The following AGAP1 variants were observed in gnomAD, a reference collection of about 807,000 sequenced individuals.
The protein encoded by AGAP1 is ArfGAP with GTPase domain, ankyrin repeat and PH domain 1, also known as arf-GAP with GTPase, ANK repeat and PH domain-containing protein 1.
In AGAP1, 29 loss-of-function variants were observed where a neutral mutation model predicts 105.3. The observed-to-expected ratio is 0.28, with a 90% CI of 0.21 to 0.38. AGAP1 has a LOEUF of 0.38. Among genes scored for constraint, AGAP1 ranks in the 10% least tolerant of loss-of-function variants. AGAP1 has a pLI of 1.00. For missense variants in AGAP1, 998 were observed against 1,165.1 expected (o/e 0.86, Z 2.09); for synonymous variants, 509 against 485.9 (o/e 1.05, Z -0.63).
At chr2:235,783,253 A>T (rs1299685222) in intron 6 of AGAP1, 1 of 419,304 alleles carries the variant, frequency 2.4e-6, no homozygotes, top group Non-Finnish European at 4.8e-6. Context: ...TAAAAAAAAG[A>T]GTTGAATTTA....
rs1040641863 is a variant in AGAP1, at chr2:236,053,403, T to C, written c.2114+4122T>C. Among the ~76,000 whole-genome samples, 1 of 152,180 alleles carries C rather than the reference T, an allele frequency of 6.6e-6. No homozygotes were observed. The highest frequency in any genetic ancestry group is 6.5e-5 in the Admixed American group (1 of 15,282). On this transcript the variant is annotated intron_variant, in intron 16 of 17. Coordinates refer to ENST00000304032, the MANE Select transcript of AGAP1 (RefSeq NM_001037131.3). The surrounding 1 kb of genome is among the most constrained non-coding windows in gnomAD (Gnocchi z 4.6). ...GACGTTTGCAGCACCAGCAAAGCCG[T>C]CTCAGTAAACCCGTCCACGCACATC...
intron 1 of AGAP1, among the ~76,000 whole-genome samples, chr2:235,571,069 T>C (rs1944496419): frequency 6.6e-6 from 1 of 152,058 alleles, no homozygotes; most frequent in Admixed American, 6.6e-5. Flanking sequence ...ATGGTTGGAG[T>C]AGGAGTAAGA....
At chr2:235,634,741 A>G (rs1185297730) in intron 1 of AGAP1, among the ~76,000 whole-genome samples, 1 of 152,194 alleles carries the variant, frequency 6.6e-6, no homozygotes, top group East Asian at 1.9e-4. Flanking sequence ...TTTAGTTTGA[A>G]ACTGAGAACA....
chr2:235,631,827 G>A lies in AGAP1; in HGVS notation c.164-77352G>A, dbSNP rs887146085. Among the ~76,000 whole-genome samples, 37 of 152,232 alleles carry A rather than the reference G, an allele frequency of 2.4e-4. No homozygotes were observed. The highest frequency in any genetic ancestry group is 8.9e-4 in the African/African-American group (37 of 41,464). On this transcript the variant is annotated intron_variant, in intron 1 of 17. Transcript: ENST00000304032. The surrounding 1 kb of genome is among the most constrained non-coding windows in gnomAD (Gnocchi z 5.4). The stretch of plus-strand genomic sequence containing the variant: ...CCTCGGCTGGGTGGCCCTTCCTGCT[G>A]TCAGGTGTGGCCACTCTCGTGAGAT...
intron 16 of AGAP1, among the ~76,000 whole-genome samples, chr2:236,057,560 T>G (rs10203232): frequency 3.3e-5 from 5 of 151,094 alleles, no homozygotes; most frequent in South Asian, 2.1e-4. Context: ...AGCCCCCCCC[T>G]CAACCCCCGT....
intron 1 of AGAP1, among the ~76,000 whole-genome samples, chr2:235,703,041 C>A (rs1188042281): frequency 2.0e-5 from 3 of 149,636 alleles, no homozygotes; most frequent in African/African-American, 7.4e-5. Context: ...AATTCTCCTG[C>A]CCCAGCCTCC....
rs1248938575 is a variant in AGAP1 at position 235,599,883 on chromosome 2, C to T, written c.163+105034C>T. ...CAATGCTGGTACCCACGACGTGGAG[C>T]CCTGAAGGATGAGGAAAATAATTTC... On this transcript the variant is annotated intron_variant, in intron 1 of 17. Transcript: ENST00000304032. The surrounding 1 kb of genome is among the most constrained non-coding windows in gnomAD (Gnocchi z 5.3). 6.6e-6 allele frequency among the ~76,000 whole-genome samples: 1 copy of T among 152,150 alleles called. No homozygotes were observed. Among genetic ancestry groups the T allele is most frequent in the Non-Finnish European group, 1.5e-5 (1 of 68,030 alleles).
At position 236,129,406 on chromosome 2, in the gene AGAP1, C is replaced by T. The variant is rs1027903037; in HGVS notation, c.*5284C>T. The stretch of plus-strand genomic sequence containing the variant: ...CCCATTATGCAGGAGAGAGAAGGGG[C>T]GCAGGTGTATCTCCTTAGAGTACAC... On this transcript the variant is annotated 3_prime_UTR_variant, in exon 18 of 18. Coordinates refer to ENST00000304032, the MANE Select transcript of AGAP1 (RefSeq NM_001037131.3). The surrounding 1 kb of genome is among the most constrained non-coding windows in gnomAD (Gnocchi z 6.2). 2.0e-5 allele frequency: 3 copies of T among 152,204 alleles called. No homozygotes were observed. The highest frequency in any genetic ancestry group is 7.2e-5 in the African/African-American group (3 of 41,440). 9.4% of individuals were successfully genotyped at this position (152,204 alleles called of 1,614,324 possible).
In AGAP1 at chr2:235,719,435, C is replaced by T. The variant is rs959546222; in HGVS notation, c.310+1791C>T. Among the ~76,000 whole-genome samples, 1 of 152,168 alleles carries T rather than the reference C, an allele frequency of 6.6e-6. No individual in the cohort carries two copies. The highest frequency in any genetic ancestry group is 1.5e-5 in the Non-Finnish European group (1 of 68,036). ...TGCATAATTGACCCTTACATGTTGA[C>T]TCACACCAAAGCATTTCTCTTGAAC... On this transcript the variant is annotated intron_variant, in intron 3 of 17. Coordinates refer to ENST00000304032, the MANE Select transcript of AGAP1 (RefSeq NM_001037131.3). This position sits in a 1 kb window ranked among gnomAD's most constrained non-coding sequence, Gnocchi z 4.9.
intron 1 of AGAP1, among the ~76,000 whole-genome samples, chr2:235,530,673 C>T (rs1943013206): frequency 6.6e-6 from 1 of 152,168 alleles, no homozygotes; most frequent in Admixed American, 6.5e-5. Flanking sequence ...TCCGGCTCCT[C>T]TGCTTTCTTT....
Position 236,038,374 on chromosome 2 carries a change from G to A in AGAP1, c.1800+1659G>A, listed in dbSNP as rs1414007049. On this transcript the variant is annotated intron_variant, in intron 14 of 17. Coordinates refer to ENST00000304032, the MANE Select transcript of AGAP1 (RefSeq NM_001037131.3). This position sits in a 1 kb window ranked among gnomAD's most constrained non-coding sequence, Gnocchi z 4.5. ...CTTTCACGGCAGACTCTGAGCCCCT[G>A]CCACCTCGACCTAATTCAGGAAGAT... is the stretch of plus-strand genomic sequence containing the variant. Among the ~76,000 whole-genome samples, 1 of 152,190 alleles carries A rather than the reference G, an allele frequency of 6.6e-6. No homozygotes were observed. Among genetic ancestry groups the A allele is most frequent in the African/African-American group, 2.4e-5 (1 of 41,450 alleles).
chr2:236,007,188 T>C (rs1274608925), intron 13 of AGAP1, among the ~76,000 whole-genome samples: 3 of 152,250 alleles, frequency 2.0e-5, no homozygotes, highest in Non-Finnish European at 4.4e-5. Context: ...ATAAATGCCA[T>C]GTATCTTATG....
chr2:236,079,560 ACACAC>A (rs2058729041), intron 16 of AGAP1, among the ~76,000 whole-genome samples: 6 of 151,388 alleles, frequency 4.0e-5, no homozygotes, highest in African/African-American at 1.5e-4. Flanking sequence ...ATATACACAC[ACACAC>A]ACACATACAT....
In AGAP1 at chr2:235,901,572, G is replaced by A. The variant is rs2051067513; in HGVS notation, c.1156-7166G>A. Among the ~76,000 whole-genome samples, 1 of 152,140 alleles carries A rather than the reference G, an allele frequency of 6.6e-6. No individual in the cohort carries two copies. Among genetic ancestry groups the A allele is most frequent in the Non-Finnish European group, 1.5e-5 (1 of 68,028 alleles). ...GTGGTTCTCAAGACTTTGGGCTCAG[G>A]ACCCCTTTATCTTTTTAAAAATTAT... On this transcript the variant is annotated intron_variant, in intron 10 of 17. Coordinates refer to ENST00000304032, the MANE Select transcript of AGAP1 (RefSeq NM_001037131.3). The surrounding 1 kb of genome is among the most constrained non-coding windows in gnomAD (Gnocchi z 4.3).
intron 9 of AGAP1, among the ~76,000 whole-genome samples, chr2:235,817,719 C>T (rs1958537882): frequency 6.6e-6 from 1 of 152,040 alleles, no homozygotes; most frequent in South Asian, 2.1e-4. Flanking sequence ...GGCGAAACCC[C>T]ATCTCTACCA....
rs1016320754 is a variant in AGAP1, at chr2:236,046,686, G to A, written c.1892-2373G>A. The stretch of plus-strand genomic sequence containing the variant: ...GTGCCTGAGTGGTGATTGAAGTGTG[G>A]GTTGGGTTGGCCTGAATAAGACTAC... On this transcript the variant is annotated intron_variant, in intron 15 of 17. Transcript: ENST00000304032. This position sits in a 1 kb window ranked among gnomAD's most constrained non-coding sequence, Gnocchi z 5.2. Among the ~76,000 whole-genome samples the A allele has an allele frequency of 1.7e-4, 26 of 152,286 alleles. No homozygotes were observed. Among genetic ancestry groups the A allele is most frequent in the Non-Finnish European group, 3.1e-4 (21 of 68,024 alleles).
chr2:236,034,508 A>G (rs902844847), intron 13 of AGAP1, among the ~76,000 whole-genome samples: 2 of 152,096 alleles, frequency 1.3e-5, no homozygotes, highest in African/African-American at 4.8e-5. Context: ...AGATTGGGAT[A>G]AAATTCCTGA....
In AGAP1 at chr2:236,058,584, A is replaced by G. The variant is rs1212663791; in HGVS notation, c.2114+9303A>G. ...AATAAAAGGAAACTTGCTGAACCTG[A>G]TAAAGGACATCTCTAAAAAACCCAC... On this transcript the variant is annotated intron_variant, in intron 16 of 17. Coordinates refer to ENST00000304032, the MANE Select transcript of AGAP1 (RefSeq NM_001037131.3). The surrounding 1 kb of genome is among the most constrained non-coding windows in gnomAD (Gnocchi z 4.6). Among the ~76,000 whole-genome samples the G allele has an allele frequency of 6.6e-6, 1 of 152,198 alleles. No homozygotes were observed. The highest frequency in any genetic ancestry group is 2.4e-5 in the African/African-American group (1 of 41,444).
rs969740994 is a variant in AGAP1 at position 235,721,618 on chromosome 2, T to G, written c.310+3974T>G. On this transcript the variant is annotated intron_variant, in intron 3 of 17. Transcript: ENST00000304032. The surrounding 1 kb of genome is among the most constrained non-coding windows in gnomAD (Gnocchi z 4.5). The stretch of plus-strand genomic sequence containing the variant: ...TGTATTCTCATAGTTCTCAGAAGTC[T>G]GAAATCAAGGTGTTGACGGGGTTGG... 6.6e-6 allele frequency among the ~76,000 whole-genome samples: 1 copy of G among 152,216 alleles called. No individual in the cohort carries two copies. Among genetic ancestry groups the G allele is most frequent in the Non-Finnish European group, 1.5e-5 (1 of 68,038 alleles).
Sources: gnomAD v4.1 joint callset for allele counts (sites outside exome capture counted in the v4.1 genomes callset) on GRCh38, gnomAD v4.1.1 for gene constraint, Gnocchi (gnomAD v3.1) non-coding constraint, MANE v1.5 for transcripts, NCBI Gene and HGNC (gene_info 2026-07-23, HGNC 2026-07-21) for gene names.